The following FAM83B variants were observed in gnomAD, a reference collection of about 807,000 sequenced individuals.
FAM83B encodes the protein protein FAM83B.
FAM83B carries 26 observed loss-of-function variants against 38.8 expected under a neutral mutation model. That is an observed-to-expected ratio of 0.67 (90% CI 0.49 to 0.93). FAM83B has a LOEUF of 0.93. FAM83B is among the 40% of genes least tolerant of loss of function. The probability of loss-of-function intolerance (pLI) is 0.00; values close to 1 mark genes in which losing one functional copy is unlikely to be tolerated. For synonymous variants in FAM83B, 419 were observed against 423.1 expected, an observed-to-expected ratio of 0.99 and a Z score of 0.12; for missense variants, 1,237 against 1,197.3, an observed-to-expected ratio of 1.03 and a Z score of -0.49.
At chr6:54,862,731 A>G (rs1350407348) in intron 1 of FAM83B, among the ~76,000 whole-genome samples, 1 of 152,016 alleles carries the variant, frequency 6.6e-6, no homozygotes. Flanking sequence ...CAAGAAAAGA[A>G]AAATTAGCCG....
chr6:54,921,603 TA>T (rs1256210298), intron 2 of FAM83B, among the ~76,000 whole-genome samples: 6 of 152,122 alleles, frequency 3.9e-5, no homozygotes, highest in Admixed American at 3.3e-4. Context: ...TGACAAGAAT[TA>T]ATGAAGAAGC....
chr6:54,859,076 A>G (rs1487438980), intron 1 of FAM83B, among the ~76,000 whole-genome samples: 1 of 144,410 alleles, frequency 6.9e-6, no homozygotes, highest in Non-Finnish European at 1.5e-5. Context: ...AGCCCCCAGC[A>G]CTGAGACGGA....
intron 2 of FAM83B, among the ~76,000 whole-genome samples, chr6:54,920,548 G>T (rs1256633237): frequency 6.6e-6 from 1 of 151,740 alleles, no homozygotes; most frequent in African/African-American, 2.4e-5. Flanking sequence ...TAATAGCTCT[G>T]TATTATAATA....
intron 1 of FAM83B, among the ~76,000 whole-genome samples, chr6:54,869,200 A>G (rs1771786228): frequency 6.6e-6 from 1 of 152,188 alleles, no homozygotes; most frequent in South Asian, 2.1e-4. Context: ...CTTAAATTTC[A>G]TCTCGTATAC....
chr6:54,916,830 T>C (rs1773052412), intron 2 of FAM83B, among the ~76,000 whole-genome samples: 1 of 152,224 alleles, frequency 6.6e-6, no homozygotes. Flanking sequence ...TCTACATTTT[T>C]CTACTGAAAT....
intron 4 of FAM83B, among the ~76,000 whole-genome samples, chr6:54,939,247 T>G (rs980691891): frequency 6.6e-6 from 1 of 152,204 alleles, no homozygotes; most frequent in African/African-American, 2.4e-5. Context: ...AGTAGGATGC[T>G]GTTTTGGTAA....
intron 2 of FAM83B, among the ~76,000 whole-genome samples, chr6:54,872,516 G>A (rs1310377824): frequency 6.6e-6 from 1 of 152,152 alleles, no homozygotes; most frequent in Non-Finnish European, 1.5e-5. Context: ...GATTCTTATT[G>A]TAGTAACTTA....
At position 54,945,073 on chromosome 6, in the gene FAM83B, TAATA is replaced by T. The variant is rs1456829307; in HGVS notation, c.*3072_*3075del. 1 of 152,186 alleles carries T rather than the reference TAATA, an allele frequency of 6.6e-6. No individual in the cohort carries two copies. The highest frequency in any genetic ancestry group is 2.4e-5 in the African/African-American group (1 of 41,458). 9.4% of individuals were successfully genotyped at this position (152,186 alleles called of 1,614,324 possible). On this transcript the variant is annotated 3_prime_UTR_variant, in exon 5 of 5. Transcript: ENST00000306858. ...TTTTGTTTTTAGATCAATAAATGAA[TAATA>T]AATAATTTTGTACAAACATCAATAT...
chr6:54,895,906 G>T (rs1042790752), intron 2 of FAM83B, among the ~76,000 whole-genome samples: 58 of 151,900 alleles, frequency 3.8e-4, no homozygotes, highest in Admixed American at 5.9e-4. Flanking sequence ...TTGTTTTTTA[G>T]ATGGAGTCTT....
At chr6:54,859,322 A>C (rs1213818608) in intron 1 of FAM83B, among the ~76,000 whole-genome samples, 1 of 152,138 alleles carries the variant, frequency 6.6e-6, no homozygotes, top group African/African-American at 2.4e-5. Context: ...GGCCTCCCAA[A>C]GTGCTGGGAT....
At chr6:54,906,053 GAAA>G (rs61141294) in intron 2 of FAM83B, among the ~76,000 whole-genome samples, 58 of 128,954 alleles carry the variant, frequency 4.5e-4, no homozygotes, top group Admixed American at 1.5e-3. Flanking sequence ...CCTACTATTC[GAAA>G]AAAAAAAAAA....
intron 1 of FAM83B, among the ~76,000 whole-genome samples, chr6:54,868,167 C>T (rs4715489): frequency 0.37 from 55,574 of 151,948 alleles, 11,307 homozygotes; most frequent in East Asian, 0.84. Flanking sequence ...GGCATGATAT[C>T]ATGAATATGA....
At chr6:54,930,946 G>C (rs900592441) in intron 4 of FAM83B, among the ~76,000 whole-genome samples, 1 of 151,906 alleles carries the variant, frequency 6.6e-6, no homozygotes, top group Admixed American at 6.6e-5. Flanking sequence ...ACCTATAAAC[G>C]TCCCTCTTAA....
At chr6:54,884,780 T>TC (rs1422493494) in intron 2 of FAM83B, among the ~76,000 whole-genome samples, 1 of 151,866 alleles carries the variant, frequency 6.6e-6, no homozygotes, top group Non-Finnish European at 1.5e-5. Flanking sequence ...CCAGTATTTT[T>TC]TTTTTTTTTT....
At chr6:54,929,456 C>A (rs1391256389) in intron 4 of FAM83B, among the ~76,000 whole-genome samples, 1 of 152,184 alleles carries the variant, frequency 6.6e-6, no homozygotes, top group Non-Finnish European at 1.5e-5. Context: ...AGCTCACTCA[C>A]ATGCTGATGA....
At chr6:54,898,895 ACTT>A (rs199732348) in intron 2 of FAM83B, among the ~76,000 whole-genome samples, 330 of 152,120 alleles carry the variant, frequency 2.2e-3, no homozygotes, top group African/African-American at 7.4e-3. Context: ...GTTCCTTTTG[ACTT>A]CTTCTGTAAG....
intron 2 of FAM83B, among the ~76,000 whole-genome samples, chr6:54,895,328 G>A (rs892749399): frequency 6.6e-6 from 1 of 152,160 alleles, no homozygotes; most frequent in African/African-American, 2.4e-5. Context: ...GCATTTCAAG[G>A]TCTCCTCAGT....
chr6:54,882,699 G>C (rs1772160523), intron 2 of FAM83B, among the ~76,000 whole-genome samples: 1 of 152,056 alleles, frequency 6.6e-6, no homozygotes, highest in South Asian at 2.1e-4. Context: ...TTTATCTCCT[G>C]CCTCCCTCAA....
rs1484100609 is a variant in FAM83B, at chr6:54,942,185, A to G, written c.*178A>G. 6.6e-6 allele frequency among the ~76,000 whole-genome samples: 1 copy of G among 152,210 alleles called. No individual in the cohort carries two copies. Among genetic ancestry groups the G allele is most frequent in the Non-Finnish European group, 1.5e-5 (1 of 68,034 alleles). On this transcript the variant is annotated 3_prime_UTR_variant, in exon 5 of 5. Transcript: ENST00000306858. ...GTGATAAAGTTAGGGTCTGCTGTAGATAGAATTTCTCTGTAAACACATTAT... is the reference window on the plus strand; with the variant it reads ...GTGATAAAGTTAGGGTCTGCTGTAGGTAGAATTTCTCTGTAAACACATTAT...
Sources: allele counts gnomAD v4.1 joint callset (sites outside exome capture counted in the v4.1 genomes callset), GRCh38; gene constraint gnomAD v4.1.1; transcripts MANE v1.5; gene names NCBI Gene and HGNC (gene_info 2026-07-23, HGNC 2026-07-21).